The following TRIO variants were observed in gnomAD, a reference collection of about 807,000 sequenced individuals.
TRIO encodes the protein triple functional domain protein.
Under a neutral mutation model 351.9 loss-of-function variants are expected in TRIO, and 58 were observed. The ratio of observed to expected loss-of-function variants is 0.16; its 90% CI spans 0.13 to 0.21. The LOEUF (loss-of-function observed/expected upper bound fraction) is 0.21, where lower values mean the gene tolerates loss of function less well. TRIO is among the 10% of genes least tolerant of loss of function. The pLI is 1.00. For synonymous variants in TRIO, 1,758 were observed against 1,595.7 expected, an observed-to-expected ratio of 1.10 and a Z score of -2.42; for missense variants, 3,201 against 4,027.8, an observed-to-expected ratio of 0.79 and a Z score of 5.56.
At chr5:14,193,632 G>A (rs1172974282) in intron 1 of TRIO, among the ~76,000 whole-genome samples, 1 of 152,162 alleles carries the variant, frequency 6.6e-6, no homozygotes, top group Non-Finnish European at 1.5e-5. Flanking sequence ...TTTGTAACCA[G>A]TTAGGCAGCC....
rs1322801500 is a variant in TRIO at position 14,453,997 on chromosome 5, C to G, written c.5204-7022C>G. Reference sequence around the variant, plus strand: ...CAGACTGGAGTGCGGTGGCACAATTCTGGCTCACTGCAACCTCTGCCTCCT... The same window carrying G: ...CAGACTGGAGTGCGGTGGCACAATTGTGGCTCACTGCAACCTCTGCCTCCT... On this transcript the variant is annotated intron_variant, in intron 34 of 56. Transcript: ENST00000344204. Among the ~76,000 whole-genome samples the G allele has an allele frequency of 3.9e-5, 6 of 152,000 alleles. No homozygotes were observed. In the East Asian group the frequency reaches 1.2e-3, roughly 29 times the overall value.
chr5:14,328,708 C>T (rs1740634391), intron 9 of TRIO, among the ~76,000 whole-genome samples: 1 of 152,178 alleles, frequency 6.6e-6, no homozygotes, highest in African/African-American at 2.4e-5. Context: ...TCATCGAATG[C>T]TGACAACTAC....
intron 1 of TRIO, among the ~76,000 whole-genome samples, chr5:14,201,066 T>C (rs1320699614): frequency 6.6e-6 from 1 of 152,164 alleles, no homozygotes; most frequent in Admixed American, 6.5e-5. Context: ...GAGACCAGCC[T>C]GACCAACATG....
At chr5:14,402,054 A>G (rs920178964) in intron 31 of TRIO, among the ~76,000 whole-genome samples, 6 of 152,168 alleles carry the variant, frequency 3.9e-5, no homozygotes, top group Non-Finnish European at 7.3e-5. Context: ...GTTGTTTTGC[A>G]GTGAATATGT....
intron 28 of TRIO, among the ~76,000 whole-genome samples, chr5:14,395,572 G>A (rs1747489496): frequency 6.6e-6 from 1 of 152,212 alleles, no homozygotes; most frequent in Non-Finnish European, 1.5e-5. Flanking sequence ...TGTGAGCAGT[G>A]TTTGCCATGC....
chr5:14,403,564 T>G (rs1401482494), intron 31 of TRIO, among the ~76,000 whole-genome samples: 101 of 12,724 alleles, frequency 7.9e-3, no homozygotes, highest in Admixed American at 0.011. Context: ...GGGTGCAGGT[T>G]GTGGTGGTGA....
At chr5:14,244,438 T>C (rs962256596) in intron 1 of TRIO, among the ~76,000 whole-genome samples, 2 of 152,222 alleles carry the variant, frequency 1.3e-5, no homozygotes, top group African/African-American at 2.4e-5. Flanking sequence ...CTATTAAAGA[T>C]ACTGGGTTTT....
At chr5:14,224,170 A>T (rs1792831618) in intron 1 of TRIO, among the ~76,000 whole-genome samples, 1 of 151,996 alleles carries the variant, frequency 6.6e-6, no homozygotes, top group South Asian at 2.1e-4. Flanking sequence ...AGAACACATT[A>T]TTATTATATT....
chr5:14,462,719 C>T (rs1192739805), intron 35 of TRIO, 36 bp from the exon 36 acceptor site: 10 of 1,612,108 alleles, frequency 6.2e-6, no homozygotes, highest in African/African-American at 2.7e-5. Flanking sequence ...GTGAACTGGC[C>T]TGGAATATAA....
In TRIO at chr5:14,508,486, A is replaced by G. The variant is rs1579870017; in HGVS notation, c.*64A>G. 6.6e-7 allele frequency: 1 copy of G among 1,520,232 alleles called. No homozygotes were observed. Among genetic ancestry groups the G allele is most frequent in the East Asian group, 2.3e-5 (1 of 44,174 alleles). 94.2% of individuals were successfully genotyped at this position (1,520,232 alleles called of 1,614,324 possible). The stretch of plus-strand genomic sequence containing the variant: ...AATCAGCTGTTAATCTGAATTTTCA[A>G]GAGAAAACAAGCAAACATAACTGAT... On this transcript the variant is annotated 3_prime_UTR_variant, in exon 57 of 57. Coordinates refer to ENST00000344204, the MANE Select transcript of TRIO (RefSeq NM_007118.4).
intron 9 of TRIO, among the ~76,000 whole-genome samples, chr5:14,324,350 A>G (rs1740178751): frequency 6.6e-6 from 1 of 152,236 alleles, no homozygotes; most frequent in Non-Finnish European, 1.5e-5. Flanking sequence ...GATGTGACTT[A>G]GAAGGGGTTC....
At chr5:14,316,845 C>T in intron 9 of TRIO, 102 bp downstream of exon 9, 1 of 1,310,596 alleles carries the variant, frequency 7.6e-7, no homozygotes, top group Middle Eastern at 1.9e-4. Flanking sequence ...GGAGTGATGA[C>T]TAGAAGATAA....
intron 38 of TRIO, 71 bp downstream of exon 38, chr5:14,471,537 G>T: frequency 6.3e-7 from 1 of 1,586,868 alleles, no homozygotes; most frequent in South Asian, 1.1e-5. Context: ...TCAAAAATGT[G>T]ACTGAGATTC....
intron 53 of TRIO, among the ~76,000 whole-genome samples, chr5:14,500,090 T>G (rs1205999254): frequency 6.7e-6 from 1 of 148,730 alleles, no homozygotes; most frequent in East Asian, 2.0e-4. Context: ...ACCCTGGAAA[T>G]GCAAATGGGA....
Position 14,502,331 on chromosome 5 carries a change from G to A in TRIO, c.8333-248G>A, listed in dbSNP as rs867349116. On this transcript the variant is annotated intron_variant, in intron 53 of 56. Transcript: ENST00000344204. ...TTTAATTTAATGAAATACATCCAAA[G>A]TATTAGATTTCAACATGAAATCAAT... 1.2e-4 allele frequency among the ~76,000 whole-genome samples: 19 copies of A among 152,186 alleles called. 1 individual carries two copies. Among genetic ancestry groups the A allele is most frequent in the South Asian group, 4.1e-4 (2 of 4,834 alleles).
At chr5:14,431,716 A>G (rs1211803184) in intron 34 of TRIO, among the ~76,000 whole-genome samples, 2 of 152,206 alleles carry the variant, frequency 1.3e-5, no homozygotes, top group African/African-American at 4.8e-5. Flanking sequence ...GCTGGCTGCC[A>G]TAGCAAAATC....
intron 34 of TRIO, among the ~76,000 whole-genome samples, chr5:14,437,196 T>G (rs1034160754): frequency 6.6e-6 from 1 of 152,196 alleles, no homozygotes; most frequent in African/African-American, 2.4e-5. Flanking sequence ...GATATTGAAT[T>G]TTTTACTAAT....
intron 1 of TRIO, among the ~76,000 whole-genome samples, chr5:14,197,842 A>G (rs1790872571): frequency 6.6e-6 from 1 of 152,216 alleles, no homozygotes; most frequent in Non-Finnish European, 1.5e-5. Flanking sequence ...AACCCTGAAT[A>G]TAAGGTACCC....
At chr5:14,501,622 G>C (rs1350864166) in intron 53 of TRIO, among the ~76,000 whole-genome samples, 1 of 152,232 alleles carries the variant, frequency 6.6e-6, no homozygotes. Flanking sequence ...CACCACCCCA[G>C]GGAGCCCAAT....
Sources: gnomAD v4.1 joint callset for allele counts (sites outside exome capture counted in the v4.1 genomes callset) on GRCh38, gnomAD v4.1.1 for gene constraint, MANE v1.5 for transcripts, NCBI Gene and HGNC (gene_info 2026-07-23, HGNC 2026-07-21) for gene names.